The following ANXA8 variants were observed in gnomAD, a reference collection of about 807,000 sequenced individuals.
ANXA8 encodes the protein VAC-beta.
Under a neutral mutation model 26.8 loss-of-function variants are expected in ANXA8, and 9 were observed. The observed-to-expected ratio is 0.34, with a 90% CI of 0.20 to 0.59. ANXA8 has a LOEUF of 0.59. Among genes scored for constraint, ANXA8 ranks in the 20% least tolerant of loss-of-function variants. ANXA8 has a pLI of 0.84. For missense variants in ANXA8, 83 were observed against 238.5 expected (o/e 0.35, Z 4.29); for synonymous variants, 39 against 94.8 (o/e 0.41, Z 3.42).
the ANXA8 span, among the ~76,000 whole-genome samples, chr10:47,508,174 C>T: frequency 1.1e-5 from 1 of 87,298 alleles, no homozygotes; most frequent in Non-Finnish European, 2.2e-5. Flanking sequence ...AAGAGATTCT[C>T]CTGCCTCAGC....
the ANXA8 span, among the ~76,000 whole-genome samples, chr10:47,694,186 A>G: frequency 6.6e-6 from 1 of 151,718 alleles, no homozygotes; most frequent in African/African-American, 2.4e-5. Context: ...AGACATTTAG[A>G]TGATTTCTAT....
At chr10:47,612,838 G>A in the ANXA8 span, among the ~76,000 whole-genome samples, 2 of 73,986 alleles carry the variant, frequency 2.7e-5, 1 homozygote, top group Non-Finnish European at 6.9e-5. Flanking sequence ...CAAGCAAGAA[G>A]GCTCTCAAAA....
At chr10:47,975,731 T>C in the ANXA8 span, among the ~76,000 whole-genome samples, 2 of 150,912 alleles carry the variant, frequency 1.3e-5, no homozygotes, top group South Asian at 4.2e-4. Flanking sequence ...ATTACTATAA[T>C]TACTGTTGGT....
the ANXA8 span, among the ~76,000 whole-genome samples, chr10:47,558,023 T>C: frequency 2.6e-5 from 4 of 151,888 alleles, no homozygotes; most frequent in Admixed American, 1.3e-4. Context: ...GGAATATCTG[T>C]GGTAATTAAG....
the ANXA8 span, among the ~76,000 whole-genome samples, chr10:47,510,931 A>T: frequency 0.044 from 5,661 of 128,200 alleles, 216 homozygotes; most frequent in African/African-American, 0.1. Flanking sequence ...TTAATTAATT[A>T]ATTAATTTAT....
upstream of ANXA8, chr10:47,487,113 A>T: frequency 7.7e-7 from 1 of 1,296,612 alleles, no homozygotes. Context: ...TGTGCATGTA[A>T]TAAATACTTA....
At chr10:47,969,777 G>A in the ANXA8 span, among the ~76,000 whole-genome samples, 4 of 150,684 alleles carry the variant, frequency 2.7e-5, no homozygotes, top group Admixed American at 2.0e-4. Context: ...GTAGGGTGGT[G>A]TGACGGTAAC....
chr10:47,987,158 T>G, the ANXA8 span: 1 of 403,076 alleles, frequency 2.5e-6, no homozygotes, highest in Non-Finnish European at 5.1e-6. Flanking sequence ...CGGCAGCAAC[T>G]GCGTTGGGAT....
At chr10:47,942,586 A>G in the ANXA8 span, among the ~76,000 whole-genome samples, 1 of 142,298 alleles carries the variant, frequency 7.0e-6, no homozygotes, top group Middle Eastern at 3.2e-3. Flanking sequence ...GATGAGAAAT[A>G]CACGTGTTTG....
the ANXA8 span, among the ~76,000 whole-genome samples, chr10:47,725,613 GC>G: frequency 7.5e-6 from 1 of 132,514 alleles, no homozygotes; most frequent in Admixed American, 7.8e-5. Flanking sequence ...AGTCATCTTG[GC>G]ACCACTGTTG....
At chr10:47,668,734 T>C in the ANXA8 span, among the ~76,000 whole-genome samples, 1 of 151,664 alleles carries the variant, frequency 6.6e-6, no homozygotes, top group South Asian at 2.1e-4. Flanking sequence ...TCCTTTGTTT[T>C]CTTTTTGTGG....
chr10:47,900,171 TTTC>T, the ANXA8 span, among the ~76,000 whole-genome samples: 2 of 146,970 alleles, frequency 1.4e-5, no homozygotes, highest in African/African-American at 2.5e-5. Context: ...TTTATACTTT[TTTC>T]TTTTTTTCTC....
chr10:47,777,758 C>T, the ANXA8 span, among the ~76,000 whole-genome samples: 74 of 152,022 alleles, frequency 4.9e-4, no homozygotes, highest in Non-Finnish European at 9.1e-4. Context: ...GGGCATCAAA[C>T]GATGTATCCC....
At chr10:47,647,505 A>C in the ANXA8 span, among the ~76,000 whole-genome samples, 364 of 149,978 alleles carry the variant, frequency 2.4e-3, no homozygotes, top group African/African-American at 8.5e-3. Flanking sequence ...ACAAGGAATA[A>C]ATTGGAGCAC....
chr10:47,552,921 T>C, the ANXA8 span, among the ~76,000 whole-genome samples: 2 of 151,780 alleles, frequency 1.3e-5, no homozygotes, highest in African/African-American at 2.4e-5. Context: ...AAGGGCTACA[T>C]TGCAAGGCTG....
chr10:47,948,871 T>C, the ANXA8 span, among the ~76,000 whole-genome samples: 16 of 151,682 alleles, frequency 1.1e-4, no homozygotes, highest in African/African-American at 3.4e-4. Context: ...ATCAAATCTA[T>C]TGAAGATCTG....
chr10:47,485,017 C>T (rs1381168817), upstream of ANXA8, among the ~76,000 whole-genome samples: 3 of 147,188 alleles, frequency 2.0e-5, no homozygotes, highest in Non-Finnish European at 3.0e-5. Flanking sequence ...TCCCCAGCCC[C>T]GGAGCTGCCC....
chr10:47,959,840 C>T, the ANXA8 span, among the ~76,000 whole-genome samples: 16 of 151,192 alleles, frequency 1.1e-4, 1 homozygote, highest in South Asian at 1.0e-3. Flanking sequence ...GTGCTGTGCC[C>T]GCTTCTAAGC....
the ANXA8 span, among the ~76,000 whole-genome samples, chr10:47,498,020 T>C: frequency 1.2e-4 from 18 of 151,758 alleles, no homozygotes; most frequent in Admixed American, 8.5e-4. Context: ...CACTTCTAAG[T>C]GGCAGTTGGA....
Sources: gnomAD v4.1 joint callset for allele counts (sites outside exome capture counted in the v4.1 genomes callset) on GRCh38, gnomAD v4.1.1 for gene constraint, MANE v1.5 for transcripts, NCBI Gene and HGNC (gene_info 2026-07-23, HGNC 2026-07-21) for gene names.